Variants in GRB2 observed in about 807,000 individuals in gnomAD.
GRB2 encodes the protein growth factor receptor-bound protein 2.
Under a neutral mutation model 27.4 loss-of-function variants are expected in GRB2, and 2 were observed. The observed-to-expected ratio is 0.07, with a 90% CI of 0.03 to 0.23. The LOEUF is 0.23. Ranked by LOEUF, GRB2 falls within the 10% of genes least tolerant of loss-of-function variation. GRB2 has a pLI of 1.00. For missense variants in GRB2, 102 were observed against 282.4 expected (o/e 0.36, Z 4.58); for synonymous variants, 94 against 99.6 (o/e 0.94, Z 0.33).
At chr17:75,336,077 C>T (rs1472676166) in intron 2 of GRB2, among the ~76,000 whole-genome samples, 1 of 152,150 alleles carries the variant, frequency 6.6e-6, no homozygotes, top group Admixed American at 6.5e-5. Context: ...AAAGGAGCTA[C>T]TTTAAAAGTT....
chr17:75,325,193 A>C (rs1180710025), intron 4 of GRB2, among the ~76,000 whole-genome samples: 1 of 152,232 alleles, frequency 6.6e-6, no homozygotes, highest in Non-Finnish European at 1.5e-5. Flanking sequence ...TTACTTCTTT[A>C]TATATAACTG....
At chr17:75,397,988 C>T (rs538084099) in intron 1 of GRB2, among the ~76,000 whole-genome samples, 3 of 151,864 alleles carry the variant, frequency 2.0e-5, no homozygotes, top group South Asian at 2.1e-4. Context: ...ACTACAGGTG[C>T]GCGCCACCAA....
intron 2 of GRB2, among the ~76,000 whole-genome samples, chr17:75,337,383 TA>T (rs913043681): frequency 0.017 from 2,340 of 139,866 alleles, 48 homozygotes; most frequent in East Asian, 0.073. Context: ...AGTGTCGGGT[TA>T]AAAAAAAAAA....
At chr17:75,338,389 C>T (rs2078596129) in intron 2 of GRB2, among the ~76,000 whole-genome samples, 1 of 152,134 alleles carries the variant, frequency 6.6e-6, no homozygotes, top group African/African-American at 2.4e-5. Context: ...AAGGCCTAGT[C>T]AGACTCCTGA....
intron 2 of GRB2, among the ~76,000 whole-genome samples, chr17:75,359,536 A>T (rs2078765113): frequency 6.6e-6 from 1 of 151,924 alleles, no homozygotes; most frequent in Non-Finnish European, 1.5e-5. Flanking sequence ...TAATAATAAT[A>T]ATTTCAGATT....
rs2078441488 is a variant in GRB2 at position 75,319,416 on chromosome 17, C to A, written c.*952G>T. 6.8e-6 allele frequency: 1 copy of A among 146,198 alleles called. No individual in the cohort carries two copies. The highest frequency in any genetic ancestry group is 2.5e-5 in the African/African-American group (1 of 39,694). 9.1% of individuals were successfully genotyped at this position (146,198 alleles called of 1,614,324 possible). ...TCGATAATCCCACTGGAAGGGCCAA[C>A]AAAGTGGAAAGAGACAGGCTTTCAG... On this transcript the variant is annotated 3_prime_UTR_variant, in exon 6 of 6. Coordinates refer to ENST00000316804, the MANE Select transcript of GRB2 (RefSeq NM_002086.5).
intron 2 of GRB2, among the ~76,000 whole-genome samples, chr17:75,344,875 A>G (rs894681786): frequency 1.4e-5 from 2 of 139,500 alleles, no homozygotes; most frequent in African/African-American, 5.2e-5. Context: ...CTGGGGGAGC[A>G]GCTGTTACTC....
Position 75,320,661 on chromosome 17 carries a change from A to G in GRB2, c.469-108T>C. ...GAAACGAATGCGTGCCAAATTCTCC[A>G]TGTTTCTTAAACTCACCTCCCATCT... On this transcript the variant is annotated intron_variant, in intron 5 of 5. Transcript: ENST00000316804. This position sits in a 1 kb window ranked among gnomAD's most constrained non-coding sequence, Gnocchi z 4.3. 1.3e-6 allele frequency: 1 copy of G among 764,380 alleles called. No homozygotes were observed. Among genetic ancestry groups the G allele is most frequent in the Non-Finnish European group, 2.2e-6 (1 of 454,650 alleles). The allele number at this position is 764,380 out of a possible 1,614,324, so 47.3% of individuals were successfully genotyped here.
At chr17:75,374,635 A>G (rs1484078334) in intron 2 of GRB2, among the ~76,000 whole-genome samples, 1 of 150,650 alleles carries the variant, frequency 6.6e-6, no homozygotes, top group African/African-American at 2.4e-5. Context: ...AAACACACAC[A>G]CTCTAGCCGA....
chr17:75,320,636 G>T lies in GRB2; in HGVS notation c.469-83C>A. The T allele has an allele frequency of 1.0e-6, 1 of 981,766 alleles. No individual in the cohort carries two copies. 60.8% of individuals were successfully genotyped at this position (981,766 alleles called of 1,614,324 possible). On this transcript the variant is annotated intron_variant, in intron 5 of 5. Coordinates refer to ENST00000316804, the MANE Select transcript of GRB2 (RefSeq NM_002086.5). This position sits in a 1 kb window ranked among gnomAD's most constrained non-coding sequence, Gnocchi z 4.3. ...TCCGAGGCCAGATGGGTTCCAGGGG[G>T]AAACGAATGCGTGCCAAATTCTCCA...
chr17:75,331,752 C>T (rs566082286), intron 3 of GRB2, among the ~76,000 whole-genome samples: 2 of 152,264 alleles, frequency 1.3e-5, no homozygotes, highest in Admixed American at 6.5e-5. Context: ...CCCACAAAGT[C>T]GAAATTACTT....
At chr17:75,404,397 C>CG (rs2079084633) in intron 1 of GRB2, among the ~76,000 whole-genome samples, 1 of 151,660 alleles carries the variant, frequency 6.6e-6, no homozygotes, top group Non-Finnish European at 1.5e-5. Context: ...AGTAAAGGAA[C>CG]GAAAGCAAGG....
chr17:75,341,815 C>T lies in GRB2; in HGVS notation c.79-9018G>A, dbSNP rs146902430. 4.2e-3 allele frequency among the ~76,000 whole-genome samples: 638 copies of T among 152,156 alleles called. 4 individuals are homozygous for T. Among genetic ancestry groups the T allele is most frequent in the African/African-American group, 0.014 (598 of 41,542 alleles). On this transcript the variant is annotated intron_variant, in intron 2 of 5. Coordinates refer to ENST00000316804, the MANE Select transcript of GRB2 (RefSeq NM_002086.5). ...TGGTGAGTCAGGAGATGGGGACCCA[C>T]CAAATGTCCAGGCAACAACGCTTAA...
At chr17:75,373,649 T>C (rs2078870368) in intron 2 of GRB2, 1 of 152,172 alleles carries the variant, frequency 6.6e-6, no homozygotes, top group African/African-American at 2.4e-5. Context: ...GAACATTCCA[T>C]ACACATCTTT....
At chr17:75,357,670 T>C (rs1239851622) in intron 2 of GRB2, among the ~76,000 whole-genome samples, 1 of 152,162 alleles carries the variant, frequency 6.6e-6, no homozygotes, top group Non-Finnish European at 1.5e-5. Context: ...TCTGTAATCC[T>C]AGCACTTTGG....
intron 1 of GRB2, chr17:75,404,811 T>TA (rs1176353881): frequency 2.6e-5 from 4 of 152,116 alleles, no homozygotes; most frequent in Middle Eastern, 3.4e-3. Flanking sequence ...AAAAACTTTC[T>TA]AAACAAGCCA....
intron 4 of GRB2, 122 bp downstream of exon 4, chr17:75,325,776 T>C (rs2078495006): frequency 2.0e-6 from 2 of 1,017,324 alleles, no homozygotes; most frequent in South Asian, 1.4e-5. Flanking sequence ...TAATGTGAAA[T>C]GAAGAAACTG....
intron 2 of GRB2, among the ~76,000 whole-genome samples, chr17:75,334,336 A>T (rs1447745911): frequency 2.6e-5 from 4 of 151,360 alleles, no homozygotes; most frequent in African/African-American, 9.7e-5. Context: ...ACGCCCGGCT[A>T]ATTTTTTGTA....
At chr17:75,343,049 CAA>C (rs56264803) in intron 2 of GRB2, among the ~76,000 whole-genome samples, 3 of 58,582 alleles carry the variant, frequency 5.1e-5, no homozygotes, top group East Asian at 1.1e-3. Context: ...AACCTTGTCT[CAA>C]AAAAAAAAAA....
Sources: allele counts gnomAD v4.1 joint callset (sites outside exome capture counted in the v4.1 genomes callset), GRCh38; gene constraint gnomAD v4.1.1; non-coding constraint Gnocchi (gnomAD v3.1); transcripts MANE v1.5; gene names NCBI Gene and HGNC (gene_info 2026-07-23, HGNC 2026-07-21).